The following CC2D1A variants were observed in gnomAD, a reference collection of about 807,000 sequenced individuals.
CC2D1A encodes coiled-coil and C2 domain containing 1A, also known as coiled-coil and C2 domain-containing protein 1A.
In CC2D1A, 68 loss-of-function variants were observed where a neutral mutation model predicts 123.8. The ratio of observed to expected loss-of-function variants is 0.55; its 90% CI spans 0.45 to 0.67. CC2D1A has a LOEUF of 0.67. CC2D1A is among the 30% of genes least tolerant of loss of function. CC2D1A has a pLI of 0.00. For missense variants in CC2D1A, 1,185 were observed against 1,290.3 expected, an observed-to-expected ratio of 0.92 and a Z score of 1.25; for synonymous variants, 477 against 528.0, an observed-to-expected ratio of 0.90 and a Z score of 1.32.
At chr19:13,925,875 G>A (rs539530019) in intron 17 of CC2D1A, among the ~76,000 whole-genome samples, 38 of 131,900 alleles carry the variant, frequency 2.9e-4, no homozygotes, top group African/African-American at 9.8e-4. Flanking sequence ...GGCTGAGGTC[G>A]TACCATTGTA....
chr19:13,916,045 C>T (rs188164797), intron 6 of CC2D1A, among the ~76,000 whole-genome samples: 1 of 152,128 alleles, frequency 6.6e-6, no homozygotes, highest in Non-Finnish European at 1.5e-5. Context: ...CACTTGAGGC[C>T]AGGAGTTCAA....
At position 13,920,852 on chromosome 19, in the gene CC2D1A, T is replaced by TGCGCC; in HGVS notation, c.1572_1576dup (p.Gln526ArgfsTer68). ...GACGTGGAGGGTGCCAAGATGCACC[T>TGCGCC]GCGCCAAGCCAAGGGACTGGAGCCT... On this transcript the variant is annotated frameshift_variant, in exon 14 of 29. Coordinates refer to ENST00000318003, the MANE Select transcript of CC2D1A (RefSeq NM_017721.5). LOFTEE classifies it high-confidence loss of function. The TGCGCC allele has an allele frequency of 1.2e-6, 2 of 1,614,144 alleles. No homozygotes were observed. The highest frequency in any genetic ancestry group is 2.2e-5 in the South Asian group (2 of 91,090).
rs1971730269 is a variant in CC2D1A, at chr19:13,928,314, C to A, written c.2519+126C>A. On this transcript the variant is annotated intron_variant, in intron 24 of 28. Coordinates refer to ENST00000318003, the MANE Select transcript of CC2D1A (RefSeq NM_017721.5). ...TCCTGCTGCAAAACCTTTCTTGGCACCCCTTTTCCCAGAGGATCCAGTTTA... is the reference window on the plus strand; with the variant it reads ...TCCTGCTGCAAAACCTTTCTTGGCAACCCTTTTCCCAGAGGATCCAGTTTA... 4 of 777,870 alleles carry A rather than the reference C, an allele frequency of 5.1e-6. No individual in the cohort carries two copies. The South Asian group carries it at 7.1e-5, about 14-fold the overall frequency. The allele number at this position is 777,870 out of a possible 1,614,324, so 48.2% of individuals were successfully genotyped here. A position where few individuals can be genotyped will look rare whatever the true frequency, so the allele number is the denominator to read the frequency against.
At position 13,923,280 on chromosome 19, in the gene CC2D1A, T is replaced by C; in HGVS notation, c.1642-53T>C. On this transcript the variant is annotated intron_variant, in intron 14 of 28. Coordinates refer to ENST00000318003, the MANE Select transcript of CC2D1A (RefSeq NM_017721.5). The surrounding 1 kb of genome is among the most constrained non-coding windows in gnomAD (Gnocchi z 5.3). ...GAAGAATGACATTTCTGCAGAGCCCTAGGTGGGCCTGCTTGTCCTCCTTAC... is the reference window on the plus strand; with the variant it reads ...GAAGAATGACATTTCTGCAGAGCCCCAGGTGGGCCTGCTTGTCCTCCTTAC... The C allele has an allele frequency of 6.4e-7, 1 of 1,564,450 alleles. No homozygotes were observed. The highest frequency in any genetic ancestry group is 8.6e-7 in the Non-Finnish European group (1 of 1,162,930).
At position 13,906,270 on chromosome 19, in the gene CC2D1A, G is replaced by A; in HGVS notation, c.-172G>A. 1 of 488,568 alleles carries A rather than the reference G, an allele frequency of 2.0e-6. No individual in the cohort carries two copies. The highest frequency in any genetic ancestry group is 3.5e-6 in the Non-Finnish European group (1 of 289,594). The allele number at this position is 488,568 out of a possible 1,614,324, so 30.3% of individuals were successfully genotyped here. On this transcript the variant is annotated 5_prime_UTR_variant, in exon 1 of 29. Transcript: ENST00000318003. This position sits in a 1 kb window ranked among gnomAD's most constrained non-coding sequence, Gnocchi z 4.1. ...CGGTGCGGCGGCGCCCGAGGCCCGA[G>A]GCGGAAGTGGGACGGCCAAGCAGGG...
At chr19:13,911,039 A>G (rs971850965) in intron 2 of CC2D1A, among the ~76,000 whole-genome samples, 1 of 152,076 alleles carries the variant, frequency 6.6e-6, no homozygotes, top group African/African-American at 2.4e-5. Context: ...ACATAGAGCA[A>G]GGTTGTGTAT....
At chr19:13,913,891 T>C (rs1026852498) in intron 6 of CC2D1A, among the ~76,000 whole-genome samples, 2 of 152,042 alleles carry the variant, frequency 1.3e-5, no homozygotes, top group African/African-American at 2.4e-5. Flanking sequence ...ATTTTAGTTC[T>C]TTTTTTTGAG....
intron 25 of CC2D1A, 46 bp downstream of exon 25, chr19:13,929,488 C>G (rs1454191171): frequency 6.2e-7 from 1 of 1,612,642 alleles, no homozygotes; most frequent in Non-Finnish European, 8.5e-7. Flanking sequence ...ACTGGGGAGT[C>G]TGCAGGCCCA....
chr19:13,906,506 GT>G lies in CC2D1A; in HGVS notation c.60+8del. The stretch of plus-strand genomic sequence containing the variant: ...GGCGCCGCGGCCGCCCGCCAGGTGA[GT>G]TTGCGCCCCACGGCCCGACCTGGGG... On this transcript the variant is annotated splice_donor_region_variant and intron_variant, in intron 1 of 28. Coordinates refer to ENST00000318003, the MANE Select transcript of CC2D1A (RefSeq NM_017721.5). This position sits in a 1 kb window ranked among gnomAD's most constrained non-coding sequence, Gnocchi z 4.1. The G allele has an allele frequency of 6.7e-7, 1 of 1,483,650 alleles. No homozygotes were observed. The allele number at this position is 1,483,650 out of a possible 1,614,324, so 91.9% of individuals were successfully genotyped here.
chr19:13,920,071 AC>A, intron 12 of CC2D1A, 120 bp downstream of exon 12: 2 of 1,053,486 alleles, frequency 1.9e-6, no homozygotes, highest in South Asian at 1.8e-5. Context: ...ACACAGTGAG[AC>A]CCCCGTCTCT....
rs554088267 is a variant in CC2D1A, at chr19:13,922,064, C to T, written c.1641+1142C>T. 3.1e-3 allele frequency among the ~76,000 whole-genome samples: 471 copies of T among 152,256 alleles called. 5 individuals carry two copies. The highest frequency in any genetic ancestry group is 4.5e-3 in the Non-Finnish European group (309 of 68,018). On this transcript the variant is annotated intron_variant, in intron 14 of 28. Transcript: ENST00000318003. ...TCATCCAGGCTGGAATGCAGTGGCA[C>T]GACCTCAGCTCACTGCAACCTCTAC...
Position 13,913,148 on chromosome 19 carries a change from G to A in CC2D1A, c.379-20G>A. ...CCCAAGTGGGGTCACCACCCACACT[G>A]TGCCCCTGCCCTCCCACAGCCGAAG... On this transcript the variant is annotated intron_variant, in intron 4 of 28. Transcript: ENST00000318003. The A allele has an allele frequency of 6.3e-7, 1 of 1,588,776 alleles. No homozygotes were observed. The highest frequency in any genetic ancestry group is 8.6e-7 in the Non-Finnish European group (1 of 1,169,430).
rs556056976 is a variant in CC2D1A at position 13,913,629 on chromosome 19, A to G, written c.739A>G (p.Met247Val). The change falls in exon 6 of 29, where the codon ATG (methionine) becomes GTG (valine). Residue 247 changes from methionine (M) to valine (V), a missense_variant. Physicochemically the swap from Met to Val is conservative, Grantham distance 21 (BLOSUM62 1). Coordinates refer to ENST00000318003, the MANE Select transcript of CC2D1A (RefSeq NM_017721.5). Reference sequence around the variant, plus strand: ...ATCTCCAGGCTTGGCTAAGCCCCAGATGCCCCCAGGTAGGTGATGGGCAGG... The same window carrying G: ...ATCTCCAGGCTTGGCTAAGCCCCAGGTGCCCCCAGGTAGGTGATGGGCAGG... ...ASSPGLAKPQ[M>V]PPGPCSPGPL... 52 of 1,605,102 alleles carry G rather than the reference A, an allele frequency of 3.2e-5. No homozygotes were observed. Among genetic ancestry groups the G allele is most frequent in the Non-Finnish European group, 4.0e-5 (47 of 1,174,622 alleles).
chr19:13,916,378 A>T (rs1237641404), intron 6 of CC2D1A, among the ~76,000 whole-genome samples: 1 of 152,084 alleles, frequency 6.6e-6, no homozygotes, highest in African/African-American at 2.4e-5. Context: ...CTGTCTGGGC[A>T]ACATAGGGAA....
chr19:13,926,087 CAT>C lies in CC2D1A; in HGVS notation c.1941-423_1941-422del, dbSNP rs1568419195. On this transcript the variant is annotated intron_variant, in intron 17 of 28. Transcript: ENST00000318003. ...ATATACACACACACACACACACACA[CAT>C]ATATATTAAGTGAAAAGAAGGTCCC... Among the ~76,000 whole-genome samples the C allele has an allele frequency of 1.5e-4, 17 of 110,648 alleles. 1 individual carries two copies. The highest frequency in any genetic ancestry group is 7.1e-4 in the African/African-American group (16 of 22,642). 72.6% of individuals were successfully genotyped at this position (110,648 alleles called of 152,430 possible). A position where few individuals can be genotyped will look rare whatever the true frequency, so the allele number is the denominator to read the frequency against.
chr19:13,928,621 C>A (rs1971741261), intron 24 of CC2D1A, among the ~76,000 whole-genome samples: 1 of 151,910 alleles, frequency 6.6e-6, no homozygotes, highest in Non-Finnish European at 1.5e-5. Flanking sequence ...GGGTGTGCAG[C>A]CATCATCCCC....
intron 2 of CC2D1A, 147 bp downstream of exon 2, chr19:13,910,105 G>C: frequency 4.1e-6 from 3 of 735,248 alleles, no homozygotes. Context: ...AGAGAGTCAA[G>C]ATCGACTCTG....
In CC2D1A at chr19:13,926,987, A is replaced by C; in HGVS notation, c.2135A>C (p.Glu712Ala). Residue 712 changes from glutamate to alanine, a missense_variant, in exon 21 of 29, where the codon GAG becomes GCG. Transcript: ENST00000318003. ...IKNTDSPEFK[E>A]QFKLCINRSH... ...CTCCTTCCTCCTGCAGAGTTCAAGG[A>C]GCAGTTCAAACTCTGCATCAACCGC... 2.5e-6 allele frequency: 4 copies of C among 1,613,988 alleles called. No individual in the cohort carries two copies. Among genetic ancestry groups the C allele is most frequent in the Non-Finnish European group, 3.4e-6 (4 of 1,179,910 alleles).
chr19:13,929,453 A>G lies in CC2D1A; in HGVS notation c.2583+11A>G, dbSNP rs1415741554. On this transcript the variant is annotated intron_variant, in intron 25 of 28. Transcript: ENST00000318003. ...CGTCTGGAGCGGAAGGTGGGTATCC[A>G]TCCTGCCGGGCTACATGGGGCAGGA... 2 of 1,612,926 alleles carry G rather than the reference A, an allele frequency of 1.2e-6. No homozygotes were observed. Among genetic ancestry groups the G allele is most frequent in the Non-Finnish European group, 8.5e-7 (1 of 1,179,866 alleles).
Sources: gnomAD v4.1 joint callset for allele counts (sites outside exome capture counted in the v4.1 genomes callset) on GRCh38, gnomAD v4.1.1 for gene constraint, Gnocchi (gnomAD v3.1) non-coding constraint, MANE v1.5 for transcripts, NCBI Gene and HGNC (gene_info 2026-07-23, HGNC 2026-07-21) for gene names.